Variants in TAF3 observed in about 807,000 individuals in gnomAD.
The protein encoded by TAF3 is TATA-box binding protein associated factor 3, also known as transcription initiation factor TFIID subunit 3.
Under a neutral mutation model 80.6 loss-of-function variants are expected in TAF3, and 7 were observed. That is an observed-to-expected ratio of 0.09 (90% confidence interval 0.05 to 0.16). TAF3 has a LOEUF of 0.16. Among genes scored for constraint, TAF3 ranks in the 10% least tolerant of loss-of-function variants. The pLI is 1.00. For missense variants in TAF3, 921 were observed against 1,140.2 expected (o/e 0.81, Z 2.77); for synonymous variants, 444 against 446.1 (o/e 1.00, Z 0.06).
chr10:7,931,485 C>T (rs886473120), intron 2 of TAF3, among the ~76,000 whole-genome samples: 1 of 152,202 alleles, frequency 6.6e-6, no homozygotes, highest in Non-Finnish European at 1.5e-5. Flanking sequence ...CGGGGAATTT[C>T]AGCCCATCAT....
Position 7,818,769 on chromosome 10 carries a change from G to A in TAF3, c.60G>A (p.Ala20=). ...TCTCGGTGGCGCAGATCTGCCAGGC[G>A]CTGGGCTGGGACTCGGTGCAGCTCA... ...LRVSVAQICQ[A]LGWDSVQLSA... Residue 20 remains alanine (A), a synonymous_variant, in exon 1 of 7, where the codon GCG becomes GCA. Transcript: ENST00000344293. 6.4e-7 allele frequency: 1 copy of A among 1,558,262 alleles called. No individual in the cohort carries two copies. The highest frequency in any genetic ancestry group is 8.6e-7 in the Non-Finnish European group (1 of 1,158,188).
At chr10:7,892,307 T>C (rs774648600) in intron 2 of TAF3, among the ~76,000 whole-genome samples, 11 of 152,222 alleles carry the variant, frequency 7.2e-5, no homozygotes, top group Non-Finnish European at 1.5e-4. Context: ...CTAGAAAGCA[T>C]GCTCAGTGTG....
At chr10:7,866,869 A>T (rs1045583933) in intron 2 of TAF3, among the ~76,000 whole-genome samples, 1 of 152,208 alleles carries the variant, frequency 6.6e-6, no homozygotes, top group Non-Finnish European at 1.5e-5. Context: ...GTGCGCTCTA[A>T]AAAGTAATCT....
intron 4 of TAF3, among the ~76,000 whole-genome samples, chr10:8,008,092 CT>C (rs1162726965): frequency 0.068 from 7,172 of 105,936 alleles, 117 homozygotes; most frequent in African/African-American, 0.12. Flanking sequence ...TGGGAACAAT[CT>C]TTTTTTTTTT....
intron 4 of TAF3, 88 bp from the exon 5 acceptor site, chr10:8,008,990 A>C (rs1256026821): frequency 6.7e-7 from 1 of 1,485,706 alleles, no homozygotes; most frequent in Non-Finnish European, 9.1e-7. Context: ...ACTGGAAGAA[A>C]AGCTATTTTA....
intron 2 of TAF3, among the ~76,000 whole-genome samples, chr10:7,908,668 C>T (rs182622496): frequency 6.6e-6 from 1 of 152,348 alleles, no homozygotes; most frequent in African/African-American, 2.4e-5. Flanking sequence ...CCACCAGAGC[C>T]ACAAAGCACA....
intron 2 of TAF3, among the ~76,000 whole-genome samples, chr10:7,906,252 C>G (rs1837607659): frequency 6.6e-6 from 1 of 152,140 alleles, no homozygotes; most frequent in African/African-American, 2.4e-5. Flanking sequence ...TAACATTTCT[C>G]TCAAGTTATT....
At chr10:7,980,454 CTG>C (rs771914191) in intron 4 of TAF3, among the ~76,000 whole-genome samples, 10 of 152,128 alleles carry the variant, frequency 6.6e-5, no homozygotes, top group Non-Finnish European at 1.2e-4. Flanking sequence ...TTCCTGGAAA[CTG>C]TATTCTAAAG....
At chr10:7,861,591 T>G (rs1268280514) in intron 2 of TAF3, among the ~76,000 whole-genome samples, 1 of 152,226 alleles carries the variant, frequency 6.6e-6, no homozygotes, top group Non-Finnish European at 1.5e-5. Context: ...TACTGATTTT[T>G]TTTTTCATTT....
At position 7,964,800 on chromosome 10, in the gene TAF3, G is replaced by A. The variant is rs376477148; in HGVS notation, c.1290G>A (p.Glu430=). Residue 430 remains glutamate (E), a synonymous_variant, in exon 3 of 7, where the codon GAG becomes GAA. Transcript: ENST00000344293. This position sits in a 1 kb window ranked among gnomAD's most constrained non-coding sequence, Gnocchi z 4.1. ...FTSPKRISGP[E]CTTPKASTSA... Reference sequence around the variant, plus strand: ...GCCCTAAGAGAATTTCAGGCCCGGAGTGTACTACTCCCAAAGCTTCCACTT... The same window carrying A: ...GCCCTAAGAGAATTTCAGGCCCGGAATGTACTACTCCCAAAGCTTCCACTT... 1 of 1,614,162 alleles carries A rather than the reference G, an allele frequency of 6.2e-7. No homozygotes were observed.
rs982810915 is a variant in TAF3 at position 7,954,559 on chromosome 10, C to T, written c.410-9361C>T. ...TGAATTAGTTCTAGTTAACACAGAG[C>T]TCTCCATAGTGAGATTTAGAGTGCA... On this transcript the variant is annotated intron_variant, in intron 2 of 6. Transcript: ENST00000344293. 2.9e-5 allele frequency among the ~76,000 whole-genome samples: 4 copies of T among 139,090 alleles called. 1 individual carries two copies. The highest frequency in any genetic ancestry group is 5.1e-5 in the African/African-American group (2 of 38,848). The allele number at this position is 139,090 out of a possible 152,430, so 91.2% of individuals were successfully genotyped here.
At chr10:7,887,602 T>C (rs1325384485) in intron 2 of TAF3, among the ~76,000 whole-genome samples, 1 of 152,092 alleles carries the variant, frequency 6.6e-6, no homozygotes. Flanking sequence ...GTGTGAACTG[T>C]TTAGGCAAGA....
chr10:7,934,436 GTTATTTAT>G (rs989147083), intron 2 of TAF3, among the ~76,000 whole-genome samples: 1 of 151,840 alleles, frequency 6.6e-6, no homozygotes, highest in African/African-American at 2.4e-5. Context: ...TTATCTTACT[GTTATTTAT>G]TTATTTATTT....
At chr10:7,953,029 G>A (rs1374170112) in intron 2 of TAF3, among the ~76,000 whole-genome samples, 1 of 152,096 alleles carries the variant, frequency 6.6e-6, no homozygotes, top group Non-Finnish European at 1.5e-5. Flanking sequence ...CCAGCATCGA[G>A]TGCCTGTTTT....
At chr10:8,001,402 T>A (rs1033794331) in intron 4 of TAF3, among the ~76,000 whole-genome samples, 6 of 152,222 alleles carry the variant, frequency 3.9e-5, no homozygotes, top group Non-Finnish European at 7.3e-5. Flanking sequence ...TTGGTTTTTT[T>A]ATTCTATTTT....
At chr10:7,848,331 C>T (rs116721998) in intron 2 of TAF3, among the ~76,000 whole-genome samples, 4,368 of 152,164 alleles carry the variant, frequency 0.029, 89 homozygotes, top group South Asian at 0.085. Context: ...TCATTCTGGA[C>T]CAATCAGTAA....
chr10:7,955,601 T>C (rs1838127336), intron 2 of TAF3, among the ~76,000 whole-genome samples: 1 of 152,258 alleles, frequency 6.6e-6, no homozygotes, highest in Non-Finnish European at 1.5e-5. Context: ...TTTCCCTTTA[T>C]TTCCTAATGT....
At chr10:7,983,138 T>C (rs763508728) in intron 4 of TAF3, among the ~76,000 whole-genome samples, 1 of 152,186 alleles carries the variant, frequency 6.6e-6, no homozygotes, top group African/African-American at 2.4e-5. Flanking sequence ...GCAGAGGTGG[T>C]CCTGGCCACT....
chr10:7,993,472 C>G (rs1221363247), intron 4 of TAF3, among the ~76,000 whole-genome samples: 1 of 152,198 alleles, frequency 6.6e-6, no homozygotes, highest in African/African-American at 2.4e-5. Flanking sequence ...AGCCACCATG[C>G]CCAGCCGCTT....
Sources: allele counts gnomAD v4.1 joint callset (sites outside exome capture counted in the v4.1 genomes callset), GRCh38; gene constraint gnomAD v4.1.1; non-coding constraint Gnocchi (gnomAD v3.1); transcripts MANE v1.5; gene names NCBI Gene and HGNC (gene_info 2026-07-23, HGNC 2026-07-21).